The following FOXN3 variants were observed in gnomAD, a reference collection of about 807,000 sequenced individuals.
The protein encoded by FOXN3 is forkhead box protein N3.
In FOXN3, 7 loss-of-function variants were observed where a neutral mutation model predicts 38.4. That is an observed-to-expected ratio of 0.18 (90% CI 0.10 to 0.34). The LOEUF (loss-of-function observed/expected upper bound fraction) is 0.34. Among genes scored for constraint, FOXN3 ranks in the 10% least tolerant of loss-of-function variants. The pLI is 1.00. For missense variants in FOXN3, 456 were observed against 613.4 expected, an observed-to-expected ratio of 0.74 and a Z score of 2.71; for synonymous variants, 230 against 242.2, an observed-to-expected ratio of 0.95 and a Z score of 0.47.
Position 89,164,051 on chromosome 14 carries a change from TC to T in FOXN3, c.852-1083del, listed in dbSNP as rs1246733658. Among the ~76,000 whole-genome samples the T allele has an allele frequency of 2.6e-5, 4 of 152,206 alleles. No individual in the cohort carries two copies. The highest frequency in any genetic ancestry group is 4.4e-5 in the Non-Finnish European group (3 of 68,038). ...AAGTGGGAATAGTAACTACACCTGCTCCCCGTGGGTGTGGGGCTGAGGACAC... is the reference window on the plus strand; with the variant it reads ...AAGTGGGAATAGTAACTACACCTGCTCCCGTGGGTGTGGGGCTGAGGACAC... On this transcript the variant is annotated intron_variant, in intron 5 of 5. Transcript: ENST00000557258. The surrounding 1 kb of genome is among the most constrained non-coding windows in gnomAD (Gnocchi z 4.3).
At chr14:89,247,542 A>G (rs1309805472) in intron 4 of FOXN3, among the ~76,000 whole-genome samples, 1 of 152,204 alleles carries the variant, frequency 6.6e-6, no homozygotes, top group East Asian at 1.9e-4. Flanking sequence ...CAAGGTCTTG[A>G]GTCTCTAAGA....
At chr14:89,604,728 C>T (rs1261551622) in intron 1 of FOXN3, among the ~76,000 whole-genome samples, 1 of 152,146 alleles carries the variant, frequency 6.6e-6, no homozygotes, top group Non-Finnish European at 1.5e-5. Context: ...GACATCTGAA[C>T]ACTTTATGAT....
intron 1 of FOXN3, among the ~76,000 whole-genome samples, chr14:89,451,350 T>A (rs2066580040): frequency 6.6e-6 from 1 of 152,182 alleles, no homozygotes; most frequent in Non-Finnish European, 1.5e-5. Flanking sequence ...ATGCTCTGAA[T>A]AACCTGCCTG....
Position 89,246,542 on chromosome 14 carries a change from C to CTTTTTTTTTTT in FOXN3, c.745+34397_745+34407dup, listed in dbSNP as rs755916666. ...TTCTCATCTTATTTGCAGGATGCGG[C>CTTTTTTTTTTT]TTTTTTTTTTTTTTTTTTGAGACAG... On this transcript the variant is annotated intron_variant, in intron 4 of 5. Transcript: ENST00000557258. Among the ~76,000 whole-genome samples the CTTTTTTTTTTT allele has an allele frequency of 2.0e-3, 169 of 83,996 alleles. 15 individuals carry two copies. The highest frequency in any genetic ancestry group is 4.5e-3 in the African/African-American group (95 of 20,988). 55.1% of individuals were successfully genotyped at this position (83,996 alleles called of 152,430 possible). A position where few individuals can be genotyped will look rare whatever the true frequency, so the allele number is the denominator to read the frequency against.
At chr14:89,196,439 C>T (rs1888101392) in intron 4 of FOXN3, among the ~76,000 whole-genome samples, 4 of 152,140 alleles carry the variant, frequency 2.6e-5, no homozygotes, top group African/African-American at 9.7e-5. Context: ...TGCCTGAGTC[C>T]ACTCATTTTA....
intron 3 of FOXN3, among the ~76,000 whole-genome samples, chr14:89,300,711 C>T (rs951670135): frequency 6.6e-6 from 1 of 152,160 alleles, no homozygotes; most frequent in Non-Finnish European, 1.5e-5. Context: ...AGGGACACCT[C>T]GATCTAAATG....
intron 2 of FOXN3, among the ~76,000 whole-genome samples, chr14:89,358,463 G>A (rs1173376218): frequency 6.6e-6 from 1 of 152,206 alleles, no homozygotes; most frequent in South Asian, 2.1e-4. Flanking sequence ...ACGGACTAGA[G>A]TAAGTTACCC....
intron 2 of FOXN3, among the ~76,000 whole-genome samples, chr14:89,408,444 A>G (rs1338627205): frequency 6.6e-6 from 1 of 151,678 alleles, no homozygotes; most frequent in Non-Finnish European, 1.5e-5. Context: ...TATTTTTTGT[A>G]GAGACATACA....
chr14:89,494,843 A>T (rs1893646316), intron 1 of FOXN3, among the ~76,000 whole-genome samples: 1 of 152,248 alleles, frequency 6.6e-6, no homozygotes, highest in African/African-American at 2.4e-5. Flanking sequence ...GCAAGAAGGT[A>T]TTAAAATGAG....
At chr14:89,513,834 T>G (rs544234841) in intron 1 of FOXN3, among the ~76,000 whole-genome samples, 123 of 152,122 alleles carry the variant, frequency 8.1e-4, no homozygotes, top group African/African-American at 2.7e-3. Context: ...CGGAGTTTGT[T>G]TTTAATCTCA....
rs897347234 is a variant in FOXN3 at position 89,242,188 on chromosome 14, C to T, written c.745+38762G>A. 5.3e-5 allele frequency among the ~76,000 whole-genome samples: 8 copies of T among 152,254 alleles called. No individual in the cohort carries two copies. In the South Asian group the frequency reaches 8.3e-4, roughly 16 times the overall value. On this transcript the variant is annotated intron_variant, in intron 4 of 5. Transcript: ENST00000557258. The stretch of plus-strand genomic sequence containing the variant: ...CACAGAAAGTGACAGAGAGAAGGTA[C>T]GAGTGGTGCCCGCGTTCCTGGCAGC...
intron 2 of FOXN3, among the ~76,000 whole-genome samples, chr14:89,389,512 C>A (rs962420895): frequency 6.6e-6 from 1 of 152,210 alleles, no homozygotes; most frequent in Non-Finnish European, 1.5e-5. Flanking sequence ...AGGAGAATTA[C>A]GCTCTTTCTA....
At position 89,163,334 on chromosome 14, in the gene FOXN3, G is replaced by A. The variant is rs944628457; in HGVS notation, c.852-365C>T. 1.3e-5 allele frequency among the ~76,000 whole-genome samples: 2 copies of A among 152,150 alleles called. No homozygotes were observed. The highest frequency in any genetic ancestry group is 2.9e-5 in the Non-Finnish European group (2 of 68,032). Reference sequence around the variant, plus strand: ...CGCCAACACCACAGAGTCAGACACCGCCAGACGATGTTGGCTGGGTACTTC... The same window carrying A: ...CGCCAACACCACAGAGTCAGACACCACCAGACGATGTTGGCTGGGTACTTC... On this transcript the variant is annotated intron_variant, in intron 5 of 5. Transcript: ENST00000557258. The surrounding 1 kb of genome is among the most constrained non-coding windows in gnomAD (Gnocchi z 4.3).
chr14:89,482,835 A>G (rs1566671335), intron 1 of FOXN3, among the ~76,000 whole-genome samples: 1 of 151,444 alleles, frequency 6.6e-6, no homozygotes, highest in Non-Finnish European at 1.5e-5. Flanking sequence ...CCTTGAGCCC[A>G]GGAGTTCAAG....
chr14:89,358,668 A>G (rs1250619034), intron 2 of FOXN3, among the ~76,000 whole-genome samples: 1 of 152,206 alleles, frequency 6.6e-6, no homozygotes, highest in Non-Finnish European at 1.5e-5. Flanking sequence ...TAATTAGAAT[A>G]CATGGGTCCT....
At chr14:89,196,161 A>T (rs1392677621) in intron 4 of FOXN3, among the ~76,000 whole-genome samples, 1 of 152,180 alleles carries the variant, frequency 6.6e-6, no homozygotes, top group East Asian at 1.9e-4. Context: ...CGTCTTAAAG[A>T]TGTTTTCAAA....
At chr14:89,209,750 A>G (rs1457283700) in intron 4 of FOXN3, among the ~76,000 whole-genome samples, 2 of 152,262 alleles carry the variant, frequency 1.3e-5, no homozygotes, top group African/African-American at 4.8e-5. Context: ...GTCACTACTA[A>G]GAAATATGAC....
intron 3 of FOXN3, among the ~76,000 whole-genome samples, chr14:89,305,776 C>T (rs1358429209): frequency 1.3e-5 from 2 of 152,156 alleles, no homozygotes; most frequent in African/African-American, 4.8e-5. Flanking sequence ...TCTTATTAAA[C>T]GGATCTAACT....
rs536006484 is a variant in FOXN3 at position 89,179,120 on chromosome 14, AG to A, written c.851+1580del. Among the ~76,000 whole-genome samples, 21 of 152,358 alleles carry A rather than the reference AG, an allele frequency of 1.4e-4. No homozygotes were observed. In the South Asian group the frequency reaches 4.3e-3, roughly 32 times the overall value. The stretch of plus-strand genomic sequence containing the variant: ...TAGGAACTCAAGAATTATTGACCTG[AG>A]AGTAGCCAGGAAAGATACCGGGGAG... On this transcript the variant is annotated intron_variant, in intron 5 of 5. Transcript: ENST00000557258.
Sources: allele counts gnomAD v4.1 joint callset (sites outside exome capture counted in the v4.1 genomes callset), GRCh38; gene constraint gnomAD v4.1.1; non-coding constraint Gnocchi (gnomAD v3.1); transcripts MANE v1.5; gene names NCBI Gene and HGNC (gene_info 2026-07-23, HGNC 2026-07-21).